Variants in ANK2 observed in about 807,000 individuals in gnomAD.
ANK2 encodes ankyrin-2.
In ANK2, 83 loss-of-function variants were observed where a neutral mutation model predicts 360.5. The ratio of observed to expected loss-of-function variants is 0.23; its 90% CI spans 0.19 to 0.28. The LOEUF is 0.28. Among genes scored for constraint, ANK2 ranks in the 10% least tolerant of loss-of-function variants. The pLI is 1.00. For synonymous variants in ANK2, 1,740 were observed against 1,759.5 expected, an observed-to-expected ratio of 0.99 and a Z score of 0.28; for missense variants, 4,201 against 4,795.7, an observed-to-expected ratio of 0.88 and a Z score of 3.66.
intron 2 of ANK2, among the ~76,000 whole-genome samples, chr4:112,927,955 A>G (rs1487286135): frequency 1.3e-5 from 2 of 152,364 alleles, no homozygotes; most frequent in Middle Eastern, 3.4e-3. Context: ...GTTAATTAAG[A>G]AAACTCCAGC....
At chr4:112,794,525 AGTTT>A in the ANK2 span, among the ~76,000 whole-genome samples, 7 of 152,212 alleles carry the variant, frequency 4.6e-5, no homozygotes, top group Non-Finnish European at 1.0e-4. Flanking sequence ...AAAAAGGTCT[AGTTT>A]GTTTGTAGCA....
intron 2 of ANK2, among the ~76,000 whole-genome samples, chr4:113,191,258 G>C (rs925663721): frequency 3.3e-5 from 5 of 152,252 alleles, no homozygotes; most frequent in Non-Finnish European, 1.5e-5. Context: ...CAGGAGAATC[G>C]CTTGAACCTG....
chr4:113,275,818 A>C (rs1367848222), intron 15 of ANK2, among the ~76,000 whole-genome samples: 5 of 152,148 alleles, frequency 3.3e-5, no homozygotes, highest in Non-Finnish European at 7.4e-5. Context: ...AGATACATAA[A>C]ATACAGAAAT....
intron 1 of ANK2, among the ~76,000 whole-genome samples, chr4:112,853,269 A>G (rs113550664): frequency 0.017 from 2,634 of 152,002 alleles, 45 homozygotes; most frequent in East Asian, 0.047. Context: ...GGGTTTCACT[A>G]TGTTGGCCAG....
chr4:113,138,612 G>T (rs2096530238), intron 1 of ANK2, among the ~76,000 whole-genome samples: 2 of 152,076 alleles, frequency 1.3e-5, no homozygotes, highest in African/African-American at 4.8e-5. Context: ...AATTTCAAAT[G>T]TCATATGTGT....
intron 2 of ANK2, among the ~76,000 whole-genome samples, chr4:112,926,017 C>T (rs2092498188): frequency 6.6e-6 from 1 of 152,104 alleles, no homozygotes; most frequent in Non-Finnish European, 1.5e-5. Flanking sequence ...CAGTGTGTCC[C>T]ATCTTGGGCT....
chr4:112,855,601 G>C (rs966579414), intron 1 of ANK2, among the ~76,000 whole-genome samples: 4 of 152,092 alleles, frequency 2.6e-5, no homozygotes, highest in African/African-American at 9.7e-5. Flanking sequence ...TACGTATCTA[G>C]TATTTACTAT....
intron 8 of ANK2, among the ~76,000 whole-genome samples, chr4:113,241,514 A>G (rs72675205): frequency 0.079 from 12,023 of 152,064 alleles, 618 homozygotes; most frequent in South Asian, 0.11. Flanking sequence ...ATTTTTTAAA[A>G]TTTTTTGTAG....
intron 1 of ANK2, among the ~76,000 whole-genome samples, chr4:113,132,236 G>A (rs1357788047): frequency 3.9e-5 from 6 of 152,088 alleles, no homozygotes; most frequent in Non-Finnish European, 1.5e-5. Context: ...ATGTATATAT[G>A]TGGACATATT....
At chr4:113,305,912 A>C (rs901818311) in intron 23 of ANK2, among the ~76,000 whole-genome samples, 1 of 152,226 alleles carries the variant, frequency 6.6e-6, no homozygotes, top group African/African-American at 2.4e-5. Context: ...AGAAATATTA[A>C]GGATGTTTCT....
rs55706912 is a variant in ANK2, at chr4:113,292,395, C to T, written c.2278-21C>T. On this transcript the variant is annotated intron_variant, in intron 20 of 45. Coordinates refer to ENST00000357077, the MANE Select transcript of ANK2 (RefSeq NM_001148.6). ...CCCTCTGCCAATCGGGTGCTGGGCC[C>T]GCCACCACTGTCCTCCACAGAACGG... 0.011 allele frequency: 17,783 copies of T among 1,599,042 alleles called. 150 individuals carry two copies. Among genetic ancestry groups the T allele is most frequent in the South Asian group, 0.025 (2,226 of 88,896 alleles).
At chr4:112,863,609 G>A (rs914536722) in intron 1 of ANK2, among the ~76,000 whole-genome samples, 25 of 134,508 alleles carry the variant, frequency 1.9e-4, no homozygotes, top group Admixed American at 1.0e-3. Context: ...TGCAAGCTCC[G>A]CCTCCCGGGT....
At chr4:113,133,529 C>A (rs7674211) in intron 1 of ANK2, among the ~76,000 whole-genome samples, 7 of 152,184 alleles carry the variant, frequency 4.6e-5, no homozygotes, top group Admixed American at 2.0e-4. Context: ...AAATCCCATG[C>A]CTTTTCGCTA....
At chr4:113,121,168 G>A (rs2095327957) in intron 1 of ANK2, among the ~76,000 whole-genome samples, 2 of 152,046 alleles carry the variant, frequency 1.3e-5, no homozygotes, top group African/African-American at 2.4e-5. Context: ...TACACACATC[G>A]TGCTGTTAAC....
chr4:113,128,805 CAGAT>C (rs1223222291), intron 1 of ANK2, among the ~76,000 whole-genome samples: 2 of 152,014 alleles, frequency 1.3e-5, no homozygotes, highest in African/African-American at 2.4e-5. Context: ...AATATATACA[CAGAT>C]AGATATAAAA....
At chr4:113,344,465 G>A (rs989852711) in intron 34 of ANK2, among the ~76,000 whole-genome samples, 6 of 152,130 alleles carry the variant, frequency 3.9e-5, no homozygotes, top group African/African-American at 1.4e-4. Flanking sequence ...ATAGTGCAGC[G>A]ACTTTGGAAA....
the ANK2 span, among the ~76,000 whole-genome samples, chr4:112,730,540 G>A: frequency 6.7e-6 from 1 of 148,520 alleles, no homozygotes; most frequent in South Asian, 2.1e-4. Context: ...GAGAGGCTGA[G>A]GCAGGAGAAT....
Position 113,274,502 on chromosome 4 carries a change from T to C in ANK2, c.1536T>C (p.Ile512=), listed in dbSNP as rs2153688196. 1 of 1,614,204 alleles carries C rather than the reference T, an allele frequency of 6.2e-7. No individual in the cohort carries two copies. The highest frequency in any genetic ancestry group is 1.1e-5 in the South Asian group (1 of 91,088). ...CCTCCCGCCTGGGTAAGACAGAAAT[T>C]GTCCAGCTGCTTCTACAACATATGG... ...HIASRLGKTE[I]VQLLLQHMAH... Residue 512 remains isoleucine, a synonymous_variant, in exon 15 of 46, where the codon ATT becomes ATC. Transcript: ENST00000357077.
chr4:112,761,095 C>A, the ANK2 span, among the ~76,000 whole-genome samples: 1 of 152,058 alleles, frequency 6.6e-6, no homozygotes, highest in African/African-American at 2.4e-5. Flanking sequence ...GCATGAACCA[C>A]CGCACCCGGC....
Sources: allele counts gnomAD v4.1 joint callset (sites outside exome capture counted in the v4.1 genomes callset), GRCh38; gene constraint gnomAD v4.1.1; transcripts MANE v1.5; gene names NCBI Gene and HGNC (gene_info 2026-07-23, HGNC 2026-07-21).